MTUS2: variants seen among roughly 807,000 people sequenced by gnomAD.
The protein encoded by MTUS2 is microtubule associated scaffold protein 2, also known as microtubule-associated tumor suppressor candidate 2.
Under a neutral mutation model 114.1 loss-of-function variants are expected in MTUS2, and 40 were observed. The ratio of observed to expected loss-of-function variants is 0.35; its 90% CI spans 0.27 to 0.46. The LOEUF is 0.46. Among genes scored for constraint, MTUS2 ranks in the 20% least tolerant of loss-of-function variants. MTUS2 has a pLI of 1.00. For synonymous variants in MTUS2, 688 were observed against 672.0 expected (o/e 1.02, Z -0.37); for missense variants, 1,679 against 1,705.4 (o/e 0.98, Z 0.27).
At chr13:29,098,127 C>T (rs1157925003) in intron 4 of MTUS2, among the ~76,000 whole-genome samples, 1 of 152,118 alleles carries the variant, frequency 6.6e-6, no homozygotes, top group Non-Finnish European at 1.5e-5. Flanking sequence ...CTACTCCAGA[C>T]CAACTCTCAT....
intron 2 of MTUS2, among the ~76,000 whole-genome samples, chr13:28,953,167 AT>A (rs113539534): frequency 0.05 from 6,824 of 137,832 alleles, 324 homozygotes; most frequent in African/African-American, 0.14. Context: ...TTTCCTATTC[AT>A]TTTTTTTTTT....
At chr13:29,173,723 G>C (rs1423597173) in intron 5 of MTUS2, among the ~76,000 whole-genome samples, 1 of 151,972 alleles carries the variant, frequency 6.6e-6, no homozygotes, top group Non-Finnish European at 1.5e-5. Flanking sequence ...CAGTGGGTCA[G>C]TACTACAGTC....
intron 4 of MTUS2, among the ~76,000 whole-genome samples, chr13:29,065,914 C>CT (rs1262231871): frequency 6.9e-6 from 1 of 145,740 alleles, no homozygotes; most frequent in Non-Finnish European, 1.5e-5. Flanking sequence ...AAATTCAAAC[C>CT]CCCCCCCACC....
Position 29,359,333 on chromosome 13 carries a change from G to T in MTUS2, c.2977G>T (p.Ala993Ser), listed in dbSNP as rs763209059. ...CAAGCCGGACCCGCAGGCCCGTGAG[G>T]CTGAGCGGCAGCTGGTGCTGCGGCT... ...PPKPDPQARE[A>S]ERQLVLRLKE... Residue 993 changes from alanine to serine, a missense_variant, in exon 8 of 16, where the codon GCT becomes TCT. Transcript: ENST00000612955. 10 of 1,611,458 alleles carry T rather than the reference G, an allele frequency of 6.2e-6. No homozygotes were observed. The highest frequency in any genetic ancestry group is 8.5e-7 in the Non-Finnish European group (1 of 1,179,048).
intron 5 of MTUS2, among the ~76,000 whole-genome samples, chr13:29,217,023 T>G (rs1895709136): frequency 6.6e-6 from 1 of 152,208 alleles, no homozygotes; most frequent in South Asian, 2.1e-4. Flanking sequence ...CATGAAAGTT[T>G]AACATAATAT....
At chr13:29,129,466 G>T (rs1029449744) in intron 5 of MTUS2, among the ~76,000 whole-genome samples, 4 of 152,042 alleles carry the variant, frequency 2.6e-5, no homozygotes, top group African/African-American at 4.8e-5. Context: ...AATCTACCTT[G>T]TCTTCTTCAT....
At chr13:29,455,345 G>A (rs571550558) in intron 9 of MTUS2, among the ~76,000 whole-genome samples, 22 of 152,300 alleles carry the variant, frequency 1.4e-4, no homozygotes, top group African/African-American at 5.3e-4. Context: ...TGGTTGTGCA[G>A]TGCTGGGAAA....
intron 2 of MTUS2, among the ~76,000 whole-genome samples, chr13:29,013,715 A>G (rs1437727885): frequency 6.6e-6 from 1 of 152,220 alleles, no homozygotes; most frequent in African/African-American, 2.4e-5. Flanking sequence ...TGAATGATAC[A>G]GACCTTCCAT....
At chr13:29,329,932 G>C (rs1900698218) in intron 7 of MTUS2, among the ~76,000 whole-genome samples, 1 of 152,096 alleles carries the variant, frequency 6.6e-6, no homozygotes, top group Admixed American at 6.5e-5. Context: ...CTTTATAATA[G>C]AATGATTGAT....
At chr13:29,084,685 A>G (rs912628698) in intron 4 of MTUS2, among the ~76,000 whole-genome samples, 3 of 151,614 alleles carry the variant, frequency 2.0e-5, no homozygotes, top group African/African-American at 7.3e-5. Context: ...CTGTAGGTGC[A>G]TGACACCACA....
At chr13:29,156,149 T>C (rs1262158919) in intron 5 of MTUS2, among the ~76,000 whole-genome samples, 1 of 152,146 alleles carries the variant, frequency 6.6e-6, no homozygotes, top group African/African-American at 2.4e-5. Flanking sequence ...GCTCCCATTT[T>C]CTAGTGTTAT....
In MTUS2 at chr13:29,310,059, G is replaced by A. The variant is rs78223727; in HGVS notation, c.2807-14554G>A. Among the ~76,000 whole-genome samples the A allele has an allele frequency of 5.7e-4, 86 of 151,132 alleles. 1 individual carries two copies. In the East Asian group the frequency reaches 0.012, roughly 21 times the overall value. On this transcript the variant is annotated intron_variant, in intron 6 of 15. Transcript: ENST00000612955. The stretch of plus-strand genomic sequence containing the variant: ...TTGTATCCATTAATCATCCCCAATT[G>A]CCTGCAACCCCACTACCCTTCCCAG...
At chr13:28,917,671 C>G (rs1477185588) in intron 2 of MTUS2, among the ~76,000 whole-genome samples, 2 of 151,442 alleles carry the variant, frequency 1.3e-5, no homozygotes, top group Non-Finnish European at 3.0e-5. Context: ...TTCAAAAAAC[C>G]AAGATTTTAT....
chr13:29,076,608 C>T (rs1170327434), intron 4 of MTUS2, among the ~76,000 whole-genome samples: 1 of 152,204 alleles, frequency 6.6e-6, no homozygotes, highest in African/African-American at 2.4e-5. Context: ...CTCAGTTCCT[C>T]CCCATGTGAA....
chr13:29,390,572 G>C (rs943581725), intron 8 of MTUS2, among the ~76,000 whole-genome samples: 1 of 150,276 alleles, frequency 6.7e-6, no homozygotes, highest in East Asian at 2.0e-4. Context: ...AGAATCGCTG[G>C]AACCCAGGAG....
intron 4 of MTUS2, among the ~76,000 whole-genome samples, chr13:29,065,919 C>G (rs542413982): frequency 4.6e-5 from 7 of 152,164 alleles, no homozygotes; most frequent in African/African-American, 1.2e-4. Flanking sequence ...CAAACCCCCC[C>G]CCACCTGACA....
chr13:29,441,315 C>T (rs1008401429), intron 9 of MTUS2, among the ~76,000 whole-genome samples: 3 of 152,178 alleles, frequency 2.0e-5, no homozygotes, highest in African/African-American at 7.2e-5. Flanking sequence ...CCATATGTGA[C>T]CTGGCTGGAA....
At chr13:29,405,310 A>G (rs1399395853) in intron 8 of MTUS2, among the ~76,000 whole-genome samples, 1 of 152,228 alleles carries the variant, frequency 6.6e-6, no homozygotes, top group African/African-American at 2.4e-5. Flanking sequence ...ATTTACCAGA[A>G]ACTAAACAGC....
intron 5 of MTUS2, among the ~76,000 whole-genome samples, chr13:29,171,058 A>T (rs1199062963): frequency 6.6e-6 from 1 of 152,070 alleles, no homozygotes; most frequent in African/African-American, 2.4e-5. Context: ...ACTGAGGATC[A>T]TTGTGCATAT....
Sources: allele counts gnomAD v4.1 joint callset (sites outside exome capture counted in the v4.1 genomes callset), GRCh38; gene constraint gnomAD v4.1.1; transcripts MANE v1.5; gene names NCBI Gene and HGNC (gene_info 2026-07-23, HGNC 2026-07-21).